Variants in NFIB observed in about 807,000 individuals in gnomAD.
NFIB encodes the protein nuclear factor 1 B-type.
A neutral mutation model predicts 61.5 loss-of-function variants in NFIB; 11 were observed. The observed-to-expected ratio is 0.18, with a 90% CI of 0.11 to 0.30. NFIB has a LOEUF of 0.30. NFIB is among the 10% of genes least tolerant of loss of function. The pLI is 1.00. For missense variants in NFIB, 471 were observed against 608.9 expected (o/e 0.77, Z 2.38); for synonymous variants, 260 against 216.5 (o/e 1.20, Z -1.76).
intron 8 of NFIB, among the ~76,000 whole-genome samples, chr9:14,118,675 A>C (rs2038494395): frequency 6.6e-6 from 1 of 152,070 alleles, no homozygotes. Context: ...CTGAAGGTGA[A>C]GCTAACAGCA....
intron 2 of NFIB, among the ~76,000 whole-genome samples, chr9:14,200,758 T>G (rs1447198568): frequency 1.3e-5 from 2 of 152,190 alleles, no homozygotes; most frequent in African/African-American, 4.8e-5. Flanking sequence ...CTTGGCCATC[T>G]TCTTGTCTTT....
the NFIB span, among the ~76,000 whole-genome samples, chr9:14,493,158 G>C: frequency 6.6e-6 from 1 of 152,140 alleles, no homozygotes; most frequent in Non-Finnish European, 1.5e-5. Flanking sequence ...CACAAGGCAG[G>C]GTGGAGGGCC....
chr9:14,333,734 C>T (rs1192690461), intron 1 of NFIB, among the ~76,000 whole-genome samples: 3 of 152,144 alleles, frequency 2.0e-5, no homozygotes, highest in Non-Finnish European at 4.4e-5. Context: ...GAACAACCTT[C>T]TATATAATGT....
chr9:14,448,055 T>A, the NFIB span, among the ~76,000 whole-genome samples: 1 of 152,198 alleles, frequency 6.6e-6, no homozygotes, highest in Non-Finnish European at 1.5e-5. Flanking sequence ...CAAAAAAGTA[T>A]ATAACTTGTG....
At chr9:14,276,362 CTTTACAA>C (rs758641578) in intron 2 of NFIB, among the ~76,000 whole-genome samples, 18 of 152,068 alleles carry the variant, frequency 1.2e-4, no homozygotes, top group Non-Finnish European at 1.9e-4. Flanking sequence ...GATAAAGGTG[CTTTACAA>C]TTTACAAGTA....
chr9:14,157,941 T>C (rs1258475183), intron 3 of NFIB, among the ~76,000 whole-genome samples: 1 of 151,846 alleles, frequency 6.6e-6, no homozygotes, highest in Non-Finnish European at 1.5e-5. Context: ...TGAAACCCCA[T>C]CTCCACTAAA....
At chr9:14,505,849 C>A in the NFIB span, among the ~76,000 whole-genome samples, 1 of 152,094 alleles carries the variant, frequency 6.6e-6, no homozygotes, top group East Asian at 1.9e-4. Context: ...CAAGAAACTG[C>A]AGAGGAAATT....
intron 2 of NFIB, among the ~76,000 whole-genome samples, chr9:14,210,851 T>C (rs890911479): frequency 6.6e-6 from 1 of 152,200 alleles, no homozygotes; most frequent in Non-Finnish European, 1.5e-5. Flanking sequence ...TCAAATTTCA[T>C]TTGTGTCAGT....
At chr9:14,135,795 G>T (rs1329141836) in intron 6 of NFIB, among the ~76,000 whole-genome samples, 1 of 152,050 alleles carries the variant, frequency 6.6e-6, no homozygotes, top group Non-Finnish European at 1.5e-5. Flanking sequence ...TTAAATTTAT[G>T]AAATCAGTTC....
intron 2 of NFIB, among the ~76,000 whole-genome samples, chr9:14,263,608 A>G (rs997412143): frequency 6.6e-6 from 1 of 152,202 alleles, no homozygotes; most frequent in African/African-American, 2.4e-5. Flanking sequence ...GAAGGATCTG[A>G]GTGGCTATAC....
At chr9:14,164,285 G>C (rs897025876) in intron 3 of NFIB, among the ~76,000 whole-genome samples, 21 of 152,066 alleles carry the variant, frequency 1.4e-4, no homozygotes, top group African/African-American at 5.1e-4. Context: ...GTGTTAATAG[G>C]CAATTTCATG....
intron 1 of NFIB, among the ~76,000 whole-genome samples, chr9:14,327,730 A>T (rs2060772865): frequency 6.6e-6 from 1 of 152,200 alleles, no homozygotes; most frequent in Non-Finnish European, 1.5e-5. Context: ...TGTAGAATGA[A>T]AATAGTGTTC....
At chr9:14,319,480 G>A (rs1486768304) in intron 1 of NFIB, among the ~76,000 whole-genome samples, 8 of 152,212 alleles carry the variant, frequency 5.3e-5, no homozygotes, top group Non-Finnish European at 1.0e-4. Flanking sequence ...ATGTTACAAA[G>A]GTTCCATATA....
chr9:14,407,202 T>TAAGG, the NFIB span, among the ~76,000 whole-genome samples: 23 of 152,204 alleles, frequency 1.5e-4, no homozygotes, highest in Non-Finnish European at 2.5e-4. Flanking sequence ...ATAATGCCCT[T>TAAGG]AGGATAATGC....
chr9:14,198,261 G>A (rs569718784), intron 2 of NFIB, among the ~76,000 whole-genome samples: 47 of 152,260 alleles, frequency 3.1e-4, no homozygotes, highest in East Asian at 9.7e-4. Flanking sequence ...TGTGGGCTAC[G>A]GGGAGGGAGC....
chr9:14,258,264 A>G (rs1315650026), intron 2 of NFIB, among the ~76,000 whole-genome samples: 1 of 152,236 alleles, frequency 6.6e-6, no homozygotes, highest in East Asian at 1.9e-4. Flanking sequence ...AACCTTGGAT[A>G]CTTATTAGTA....
At chr9:14,177,342 A>T (rs2046299236) in intron 3 of NFIB, among the ~76,000 whole-genome samples, 1 of 152,064 alleles carries the variant, frequency 6.6e-6, no homozygotes, top group Non-Finnish European at 1.5e-5. Context: ...ACAAAACAAA[A>T]ACCTTAATAA....
chr9:14,428,014 G>A, the NFIB span, among the ~76,000 whole-genome samples: 573 of 126,090 alleles, frequency 4.5e-3, 2 homozygotes, highest in Non-Finnish European at 7.4e-3. Context: ...GTGTGATCAC[G>A]GCTCACTGCA....
chr9:14,215,646 G>T (rs750690026), intron 2 of NFIB, among the ~76,000 whole-genome samples: 37 of 152,174 alleles, frequency 2.4e-4, no homozygotes, highest in Non-Finnish European at 4.3e-4. Context: ...TAAAGATAAA[G>T]ATGCCCCATT....
Sources: allele counts gnomAD v4.1 joint callset (sites outside exome capture counted in the v4.1 genomes callset), GRCh38; gene constraint gnomAD v4.1.1; transcripts MANE v1.5; gene names NCBI Gene and HGNC (gene_info 2026-07-23, HGNC 2026-07-21).